SMR3B: variants seen among roughly 807,000 people sequenced by gnomAD.
The protein encoded by SMR3B is submaxillary gland androgen-regulated protein 3B.
For synonymous variants in SMR3B, 42 were observed against 36.1 expected (o/e 1.16, Z -0.59); for missense variants, 114 against 99.9 (o/e 1.14, Z -0.60).
intron 2 of SMR3B, among the ~76,000 whole-genome samples, chr4:70,388,513 G>T (rs1732706275): frequency 6.6e-6 from 1 of 152,054 alleles, no homozygotes; most frequent in Non-Finnish European, 1.5e-5. Flanking sequence ...ACAAAAATCT[G>T]ACAATAACAA....
intron 1 of SMR3B, among the ~76,000 whole-genome samples, chr4:70,384,000 C>A (rs1050298600): frequency 7.6e-6 from 1 of 130,896 alleles, no homozygotes; most frequent in African/African-American, 3.0e-5. Flanking sequence ...TAGACTATAT[C>A]CAACAGGGTG....
At chr4:70,387,166 C>T (rs556991258) in intron 2 of SMR3B, among the ~76,000 whole-genome samples, 4 of 152,124 alleles carry the variant, frequency 2.6e-5, no homozygotes, top group South Asian at 2.1e-4. Context: ...ACAAGGGTAC[C>T]GGTGGTTGAA....
At chr4:70,386,313 A>G (rs1268148878) in intron 2 of SMR3B, among the ~76,000 whole-genome samples, 1 of 151,572 alleles carries the variant, frequency 6.6e-6, no homozygotes, top group African/African-American at 2.4e-5. Context: ...TAGTTTTCTG[A>G]TAACATAAGC....
At chr4:70,389,265 TCC>T (rs1732717080) in intron 2 of SMR3B, among the ~76,000 whole-genome samples, 4 of 152,158 alleles carry the variant, frequency 2.6e-5, no homozygotes, top group Non-Finnish European at 5.9e-5. Context: ...CAGCTCAGTG[TCC>T]TTTTTTAAGC....
chr4:70,386,150 G>C (rs1732661622), intron 2 of SMR3B, among the ~76,000 whole-genome samples: 1 of 151,446 alleles, frequency 6.6e-6, no homozygotes, highest in South Asian at 2.1e-4. Flanking sequence ...GCATGCACCT[G>C]TAATTCCAGC....
In SMR3B at chr4:70,383,143, C is replaced by T. The variant is rs1732585273; in HGVS notation, c.-84C>T. ...CTTGTCCCTTTTCACCTTTATTTGC[C>T]GTCTTTCAACTGGCAAGAGTCATTT... is the stretch of plus-strand genomic sequence containing the variant. On this transcript the variant is annotated 5_prime_UTR_variant, in exon 1 of 3. Coordinates refer to ENST00000304915, the MANE Select transcript of SMR3B (RefSeq NM_006685.4). The T allele has an allele frequency of 1.3e-5, 2 of 152,172 alleles. No individual in the cohort carries two copies. The highest frequency in any genetic ancestry group is 1.9e-4 in the East Asian group (1 of 5,168). 9.4% of individuals were successfully genotyped at this position (152,172 alleles called of 1,614,324 possible).
chr4:70,389,542 T>C, intron 2 of SMR3B, 121 bp from the exon 3 acceptor site: 1 of 989,826 alleles, frequency 1.0e-6, no homozygotes. Context: ...GGCCAGCATG[T>C]GCCAGCAGGG....
intron 2 of SMR3B, among the ~76,000 whole-genome samples, chr4:70,386,158 A>G (rs565286985): frequency 6.6e-6 from 1 of 151,738 alleles, no homozygotes; most frequent in East Asian, 1.9e-4. Context: ...CTGTAATTCC[A>G]GCTACTCCAG....
intron 2 of SMR3B, among the ~76,000 whole-genome samples, chr4:70,386,441 T>TATAC (rs1553915133): frequency 1.3e-5 from 2 of 150,074 alleles, no homozygotes; most frequent in Admixed American, 6.7e-5. Flanking sequence ...TGTGTATATG[T>TATAC]ACACACACAC....
At position 70,384,477 on chromosome 4, in the gene SMR3B, C is replaced by G. The variant is rs1732619507; in HGVS notation, c.-14-20C>G. ...TAATAAAAAACAATCATACTGATCA[C>G]CTATTGTGCTTACTTTCAGAGGCAA... is the stretch of plus-strand genomic sequence containing the variant. On this transcript the variant is annotated intron_variant, in intron 1 of 2. Transcript: ENST00000304915. 5 of 1,592,410 alleles carry G rather than the reference C, an allele frequency of 3.1e-6. No individual in the cohort carries two copies. Among genetic ancestry groups the G allele is most frequent in the Non-Finnish European group, 4.3e-6 (5 of 1,171,752 alleles).
chr4:70,389,641 T>G (rs1732724890), intron 2 of SMR3B, 22 bp from the exon 3 acceptor site: 3 of 1,605,292 alleles, frequency 1.9e-6, no homozygotes, highest in Non-Finnish European at 1.7e-6. Flanking sequence ...GATTTGAAAT[T>G]ATTTACTTCT....
chr4:70,389,642 A>G, intron 2 of SMR3B, 21 bp from the exon 3 acceptor site: 4 of 1,605,554 alleles, frequency 2.5e-6, no homozygotes, highest in Non-Finnish European at 3.4e-6. Context: ...ATTTGAAATT[A>G]TTTACTTCTT....
intron 2 of SMR3B, among the ~76,000 whole-genome samples, chr4:70,385,980 G>T (rs1732658505): frequency 6.6e-6 from 1 of 151,600 alleles, no homozygotes; most frequent in African/African-American, 2.4e-5. Context: ...ATTTGAAAAA[G>T]ATAACTTTCT....
At chr4:70,384,713 T>A in intron 2 of SMR3B, 149 bp downstream of exon 2, 1 of 1,443,816 alleles carries the variant, frequency 6.9e-7, no homozygotes, top group Non-Finnish European at 9.2e-7. Flanking sequence ...TAAATTTAAA[T>A]TTAAAATCTA....
chr4:70,388,422 T>C (rs1248823718), intron 2 of SMR3B, among the ~76,000 whole-genome samples: 1 of 152,170 alleles, frequency 6.6e-6, no homozygotes, highest in African/African-American at 2.4e-5. Flanking sequence ...CTCAGCTATT[T>C]TTATTTCTAA....
At chr4:70,388,411 C>T (rs1350985754) in intron 2 of SMR3B, among the ~76,000 whole-genome samples, 1 of 152,140 alleles carries the variant, frequency 6.6e-6, no homozygotes, top group African/African-American at 2.4e-5. Flanking sequence ...CCATGCCCAG[C>T]CTCAGCTATT....
At position 70,385,596 on chromosome 4, in the gene SMR3B, G is replaced by A. The variant is rs369069587; in HGVS notation, c.54+1032G>A. Among the ~76,000 whole-genome samples the A allele has an allele frequency of 2.6e-3, 400 of 151,656 alleles. 4 individuals are homozygous for A. The highest frequency in any genetic ancestry group is 0.014 in the South Asian group (69 of 4,808). On this transcript the variant is annotated intron_variant, in intron 2 of 2. Coordinates refer to ENST00000304915, the MANE Select transcript of SMR3B (RefSeq NM_006685.4). ...TTTTTTTGTATTTTTAGTAGAGACG[G>A]GGTTTCACCGTGTTAGCCAGGATGG...
chr4:70,385,528 G>A (rs1037541967), intron 2 of SMR3B, among the ~76,000 whole-genome samples: 1 of 150,922 alleles, frequency 6.6e-6, no homozygotes, highest in Non-Finnish European at 1.5e-5. Flanking sequence ...CTCAGCCTCC[G>A]GTGTAGCTGG....
chr4:70,388,430 TA>T (rs1332817707), intron 2 of SMR3B, among the ~76,000 whole-genome samples: 1 of 152,166 alleles, frequency 6.6e-6, no homozygotes, highest in African/African-American at 2.4e-5. Flanking sequence ...TTTTTATTTC[TA>T]AAAATTGTGC....
Sources: gnomAD v4.1 joint callset for allele counts (sites outside exome capture counted in the v4.1 genomes callset) on GRCh38, gnomAD v4.1.1 for gene constraint, MANE v1.5 for transcripts, NCBI Gene and HGNC (gene_info 2026-07-23, HGNC 2026-07-21) for gene names.